The following SNX6 variants were observed in gnomAD, a reference collection of about 807,000 sequenced individuals.
SNX6 encodes sorting nexin 6.
A neutral mutation model predicts 63.0 loss-of-function variants in SNX6; 34 were observed. That is an observed-to-expected ratio of 0.54 (90% CI 0.41 to 0.72). SNX6 has a LOEUF of 0.72. SNX6 is among the 30% of genes least tolerant of loss of function. The pLI is 0.00. For synonymous variants in SNX6, 170 were observed against 164.2 expected (o/e 1.04, Z -0.27); for missense variants, 398 against 471.4 (o/e 0.84, Z 1.44).
chr14:34,625,843 G>T (rs926540675), intron 2 of SNX6, among the ~76,000 whole-genome samples: 2 of 152,170 alleles, frequency 1.3e-5, no homozygotes, highest in Non-Finnish European at 2.9e-5. Flanking sequence ...TACCCTAAGA[G>T]ATTCTGATTT....
rs776579579 is a variant in SNX6, at chr14:34,604,628, T to C, written c.392+968A>G. The stretch of plus-strand genomic sequence containing the variant: ...AAAATAGAGAAACATATCCAGCAAA[T>C]CCAAAATTACTCCAAATGTTTAACA... On this transcript the variant is annotated intron_variant, in intron 5 of 13. Transcript: ENST00000362031. Among the ~76,000 whole-genome samples the C allele has an allele frequency of 2.0e-4, 31 of 152,104 alleles. 1 individual carries two copies. The Middle Eastern group carries it at 0.014, about 67-fold the overall frequency.
intron 2 of SNX6, among the ~76,000 whole-genome samples, chr14:34,624,664 C>T (rs368381617): frequency 2.0e-5 from 3 of 150,964 alleles, no homozygotes; most frequent in Non-Finnish European, 1.5e-5. Flanking sequence ...GGCGTGGTGG[C>T]GTGCACCTGT....
chr14:34,586,410 A>G lies in SNX6; in HGVS notation c.719-105T>C, dbSNP rs878964046. ...TGTGTAATATGAGACACTCTAGTAA[A>G]GAAAATAACGCAAGCAACAGGCATG... On this transcript the variant is annotated intron_variant, in intron 8 of 13. Transcript: ENST00000362031. 2.6e-4 allele frequency: 162 copies of G among 619,734 alleles called. 4 individuals carry two copies. In the South Asian group the frequency reaches 3.2e-3, roughly 12 times the overall value. 38.4% of individuals were successfully genotyped at this position (619,734 alleles called of 1,614,324 possible). A position where few individuals can be genotyped will look rare whatever the true frequency, so the allele number is the denominator to read the frequency against.
Position 34,629,957 on chromosome 14 carries a change from G to T in SNX6, c.7-3C>A. ...TCCGGGCCGTCGTCCAGGCCTTCCT[G>T]TGGGGTCGGCGGGCACGGCGCGCCG... On this transcript the variant is annotated splice_region_variant and splice_polypyrimidine_tract_variant and intron_variant, in intron 1 of 13. Transcript: ENST00000362031. The T allele has an allele frequency of 6.5e-7, 1 of 1,541,352 alleles. No homozygotes were observed. Among genetic ancestry groups the T allele is most frequent in the Non-Finnish European group, 8.7e-7 (1 of 1,145,962 alleles).
At chr14:34,564,267 A>G (rs539734132) in intron 13 of SNX6, among the ~76,000 whole-genome samples, 1 of 152,166 alleles carries the variant, frequency 6.6e-6, no homozygotes, top group South Asian at 2.1e-4. Context: ...ACCTCAGGTG[A>G]TCTGCCCGCC....
chr14:34,590,128 A>G (rs968061075), intron 8 of SNX6, among the ~76,000 whole-genome samples: 1 of 151,580 alleles, frequency 6.6e-6, no homozygotes, highest in African/African-American at 2.4e-5. Flanking sequence ...AAAAACAACA[A>G]CAACAAGAAT....
At chr14:34,592,956 G>T in intron 8 of SNX6, 89 bp downstream of exon 8, 1 of 912,468 alleles carries the variant, frequency 1.1e-6, no homozygotes, top group South Asian at 1.5e-5. Flanking sequence ...GAGAACTACT[G>T]CTCTATATTA....
intron 7 of SNX6, 102 bp from the exon 8 acceptor site, chr14:34,593,252 C>G (rs941583339): frequency 4.5e-6 from 3 of 672,158 alleles, no homozygotes. Flanking sequence ...AGTAAAATAG[C>G]ATACCTATCC....
At chr14:34,568,764 G>A in intron 11 of SNX6, 2 of 901,308 alleles carry the variant, frequency 2.2e-6, no homozygotes, top group Non-Finnish European at 3.7e-6. Flanking sequence ...GTGTCAGTTT[G>A]CGGCCCCCAT....
chr14:34,582,591 C>A (rs1168909416), intron 9 of SNX6, among the ~76,000 whole-genome samples: 1 of 151,876 alleles, frequency 6.6e-6, no homozygotes, highest in African/African-American at 2.4e-5. Context: ...CGCTTTCTTG[C>A]CCCAGCCGCA....
rs112220124 is a variant in SNX6, at chr14:34,570,884, C to T, written c.922-2871G>A. Among the ~76,000 whole-genome samples the T allele has an allele frequency of 9.9e-5, 15 of 151,286 alleles. 1 individual carries two copies. Among genetic ancestry groups the T allele is most frequent in the African/African-American group, 2.7e-4 (11 of 41,280 alleles). ...GACTACAGGCGCCCACCACCACGCC[C>T]GGCTAATTTTTTTGTATTTTAGTAG... is the stretch of plus-strand genomic sequence containing the variant. On this transcript the variant is annotated intron_variant, in intron 11 of 13. Transcript: ENST00000362031.
intron 2 of SNX6, chr14:34,629,390 T>C (rs939802970): frequency 3.2e-5 from 14 of 440,200 alleles, no homozygotes; most frequent in Non-Finnish European, 4.6e-5. Flanking sequence ...CATAATCTAG[T>C]AGGGCACTGG....
chr14:34,566,942 G>T (rs977876778), intron 13 of SNX6, among the ~76,000 whole-genome samples: 1 of 152,118 alleles, frequency 6.6e-6, no homozygotes, highest in South Asian at 2.1e-4. Flanking sequence ...AAAAAACCTG[G>T]CCGGGCATGG....
intron 2 of SNX6, among the ~76,000 whole-genome samples, chr14:34,624,378 T>C (rs1281872763): frequency 2.0e-5 from 3 of 152,154 alleles, no homozygotes; most frequent in Non-Finnish European, 4.4e-5. Context: ...TGGGATTACA[T>C]GCATGAGACA....
rs869042070 is a variant in SNX6 at position 34,576,448 on chromosome 14, ATATAT to A, written c.835-611_835-607del. Among the ~76,000 whole-genome samples the A allele has an allele frequency of 6.6e-3, 632 of 96,084 alleles. 6 individuals carry two copies. Among genetic ancestry groups the A allele is most frequent in the South Asian group, 0.031 (101 of 3,214 alleles). The allele number at this position is 96,084 out of a possible 152,430, so 63.0% of individuals were successfully genotyped here. A position where few individuals can be genotyped will look rare whatever the true frequency, so the allele number is the denominator to read the frequency against. On this transcript the variant is annotated intron_variant, in intron 10 of 13. Coordinates refer to ENST00000362031, the MANE Select transcript of SNX6 (RefSeq NM_152233.4). ...ATGGAAGGACACCATATATATATATATATATTTTTTTTTTTTTTGAGACAGAGTCT... is the reference window on the plus strand; with the variant it reads ...ATGGAAGGACACCATATATATATATATTTTTTTTTTTTTGAGACAGAGTCT...
chr14:34,587,323 G>A (rs893266635), intron 8 of SNX6, among the ~76,000 whole-genome samples: 3 of 151,684 alleles, frequency 2.0e-5, no homozygotes, highest in African/African-American at 7.3e-5. Context: ...ATGAGGTTAG[G>A]AGATTGAGAC....
At position 34,584,878 on chromosome 14, in the gene SNX6, A is replaced by G. The variant is rs28529258; in HGVS notation, c.794+1352T>C. ...TTTTTCTTTTTTTTTCTGAGATGGA[A>G]TTTTGCTCTTGTTGCCCAGGCTGGA... On this transcript the variant is annotated intron_variant, in intron 9 of 13. Coordinates refer to ENST00000362031, the MANE Select transcript of SNX6 (RefSeq NM_152233.4). Among the ~76,000 whole-genome samples, 1,431 of 151,366 alleles carry G rather than the reference A, an allele frequency of 9.5e-3. 19 individuals are homozygous for G. The highest frequency in any genetic ancestry group is 0.034 in the Middle Eastern group (10 of 294).
intron 8 of SNX6, among the ~76,000 whole-genome samples, chr14:34,586,510 C>A (rs1016069069): frequency 6.6e-6 from 1 of 151,506 alleles, no homozygotes; most frequent in Non-Finnish European, 1.5e-5. Context: ...AGTTTTGAGA[C>A]CAGCTGGGCC....
chr14:34,571,998 C>T (rs538876453), intron 11 of SNX6, among the ~76,000 whole-genome samples: 7 of 152,156 alleles, frequency 4.6e-5, no homozygotes, highest in Non-Finnish European at 1.0e-4. Flanking sequence ...GCTTTCATTT[C>T]TCTTGGGTAA....
Sources: gnomAD v4.1 joint callset for allele counts (sites outside exome capture counted in the v4.1 genomes callset) on GRCh38, gnomAD v4.1.1 for gene constraint, MANE v1.5 for transcripts, NCBI Gene and HGNC (gene_info 2026-07-23, HGNC 2026-07-21) for gene names.